Variants in AGBL4 observed in about 807,000 individuals in gnomAD.
AGBL4 encodes the protein cytosolic carboxypeptidase 6.
In AGBL4, 58 loss-of-function variants were observed where a neutral mutation model predicts 66.4. The ratio of observed to expected loss-of-function variants is 0.87; its 90% confidence interval spans 0.71 to 1.09. The LOEUF (loss-of-function observed/expected upper bound fraction) is 1.09. AGBL4 is among the 50% of genes least tolerant of loss of function. AGBL4 has a pLI of 0.00. For synonymous variants in AGBL4, 234 were observed against 222.9 expected, an observed-to-expected ratio of 1.05 and a Z score of -0.44; for missense variants, 579 against 631.0, an observed-to-expected ratio of 0.92 and a Z score of 0.88.
At chr1:48,849,113 A>T (rs1296132072) in intron 6 of AGBL4, among the ~76,000 whole-genome samples, 2 of 152,230 alleles carry the variant, frequency 1.3e-5, no homozygotes, top group Non-Finnish European at 1.5e-5. Context: ...AGAAGGCAGG[A>T]GCAGTACTTC....
intron 11 of AGBL4, among the ~76,000 whole-genome samples, chr1:48,561,164 T>A (rs1426881101): frequency 6.6e-6 from 1 of 151,944 alleles, no homozygotes; most frequent in African/African-American, 2.4e-5. Context: ...AGAAAGAGCA[T>A]CACATTTGTA....
chr1:48,699,068 G>A (rs969233281), intron 6 of AGBL4, among the ~76,000 whole-genome samples: 13 of 152,192 alleles, frequency 8.5e-5, no homozygotes, highest in African/African-American at 3.1e-4. Context: ...TCTCATGCCT[G>A]CCTCTAGGAG....
At chr1:49,633,540 T>G (rs1571215867) in intron 3 of AGBL4, among the ~76,000 whole-genome samples, 1 of 152,116 alleles carries the variant, frequency 6.6e-6, no homozygotes, top group Admixed American at 6.6e-5. Flanking sequence ...CTGTAAGTAA[T>G]CCCAAGTATT....
chr1:48,823,142 C>T (rs573637355), intron 6 of AGBL4, among the ~76,000 whole-genome samples: 1 of 152,334 alleles, frequency 6.6e-6, no homozygotes, highest in African/African-American at 2.4e-5. Context: ...CTATTCACTA[C>T]ATGTTTATTT....
At chr1:49,384,779 A>G (rs1289100229) in intron 3 of AGBL4, among the ~76,000 whole-genome samples, 1 of 152,178 alleles carries the variant, frequency 6.6e-6, no homozygotes, top group Non-Finnish European at 1.5e-5. Flanking sequence ...GAGAAATTGG[A>G]AACTTTGTGC....
intron 3 of AGBL4, among the ~76,000 whole-genome samples, chr1:49,654,908 T>C (rs1333817318): frequency 1.3e-5 from 2 of 152,210 alleles, no homozygotes; most frequent in African/African-American, 4.8e-5. Flanking sequence ...AACTGGAGCA[T>C]TTAGCCCAGT....
chr1:49,110,118 C>T (rs961546176), intron 4 of AGBL4, among the ~76,000 whole-genome samples: 1 of 152,198 alleles, frequency 6.6e-6, no homozygotes, highest in African/African-American at 2.4e-5. Context: ...GATCTTATTA[C>T]TTGATAGCCA....
At chr1:48,583,591 G>T (rs1644771276) in intron 11 of AGBL4, among the ~76,000 whole-genome samples, 2 of 152,140 alleles carry the variant, frequency 1.3e-5, no homozygotes, top group Admixed American at 1.3e-4. Flanking sequence ...CAAGTGTGAA[G>T]GTCCTTGGTC....
chr1:48,610,887 G>C (rs964388451), intron 9 of AGBL4, among the ~76,000 whole-genome samples: 2 of 152,266 alleles, frequency 1.3e-5, no homozygotes, highest in Admixed American at 6.5e-5. Flanking sequence ...CTGGAAGAAG[G>C]GGGGCATCAA....
intron 5 of AGBL4, among the ~76,000 whole-genome samples, chr1:48,917,048 G>A (rs2148887692): frequency 6.6e-6 from 1 of 152,150 alleles, no homozygotes; most frequent in South Asian, 2.1e-4. Context: ...AATGTTAGGA[G>A]ATGAAGAGAG....
rs553498229 is a variant in AGBL4, at chr1:49,514,952, A to G, written c.282+182361T>C. The stretch of plus-strand genomic sequence containing the variant: ...AAAAACCCTAGAAGAAAACCTAGGC[A>G]ATACCATTCAGGACACAGGCATGGG... On this transcript the variant is annotated intron_variant, in intron 3 of 13. Coordinates refer to ENST00000371839, the MANE Select transcript of AGBL4 (RefSeq NM_032785.4). Among the ~76,000 whole-genome samples the G allele has an allele frequency of 2.4e-4, 37 of 152,264 alleles. 1 individual carries two copies. Among genetic ancestry groups the G allele is most frequent in the African/African-American group, 8.7e-4 (36 of 41,574 alleles).
chr1:49,271,033 C>T (rs895998708), intron 3 of AGBL4, among the ~76,000 whole-genome samples: 8 of 152,286 alleles, frequency 5.3e-5, no homozygotes, highest in African/African-American at 1.9e-4. Flanking sequence ...GGCTACTCCA[C>T]CTTGTAGTCT....
intron 4 of AGBL4, among the ~76,000 whole-genome samples, chr1:49,120,891 G>A (rs916181446): frequency 2.0e-5 from 3 of 152,050 alleles, no homozygotes; most frequent in Admixed American, 1.3e-4. Flanking sequence ...TTTCTTGGAG[G>A]CTTTGTTAAT....
At chr1:49,806,919 A>C (rs1160395710) in intron 2 of AGBL4, among the ~76,000 whole-genome samples, 1 of 152,054 alleles carries the variant, frequency 6.6e-6, no homozygotes, top group African/African-American at 2.4e-5. Context: ...AGTAGTTGCC[A>C]CCCCTCTAGA....
At chr1:49,263,048 C>A (rs563690609) in intron 3 of AGBL4, among the ~76,000 whole-genome samples, 2 of 151,724 alleles carry the variant, frequency 1.3e-5, no homozygotes, top group African/African-American at 4.9e-5. Flanking sequence ...AGTAAACTAT[C>A]GCAAGGACAA....
rs1047360509 is a variant in AGBL4 at position 49,673,191 on chromosome 1, C to A, written c.282+24122G>T. On this transcript the variant is annotated intron_variant, in intron 3 of 13. Transcript: ENST00000371839. ...CATTACTTAAGTATTACTGTAATTTCTATTTCTCTTTCACATTTAAAAGGA... is the reference window on the plus strand; with the variant it reads ...CATTACTTAAGTATTACTGTAATTTATATTTCTCTTTCACATTTAAAAGGA... Among the ~76,000 whole-genome samples, 4 of 152,084 alleles carry A rather than the reference C, an allele frequency of 2.6e-5. No individual in the cohort carries two copies. The South Asian group carries it at 6.2e-4, about 24-fold the overall frequency.
intron 11 of AGBL4, among the ~76,000 whole-genome samples, chr1:48,554,475 A>G (rs1176274455): frequency 6.6e-6 from 1 of 152,180 alleles, no homozygotes; most frequent in African/African-American, 2.4e-5. Context: ...ATTTCCTTGC[A>G]TTTATTCCTC....
At chr1:48,882,575 T>C (rs1649895855) in intron 5 of AGBL4, among the ~76,000 whole-genome samples, 1 of 152,188 alleles carries the variant, frequency 6.6e-6, no homozygotes, top group Non-Finnish European at 1.5e-5. Flanking sequence ...AGTAAGTATG[T>C]GAGAGACAGA....
intron 6 of AGBL4, among the ~76,000 whole-genome samples, chr1:48,702,789 G>A (rs1646822820): frequency 1.3e-5 from 2 of 152,188 alleles, no homozygotes; most frequent in Non-Finnish European, 2.9e-5. Context: ...TTCTGGGCAA[G>A]GAGGAAGTAC....
Sources: gnomAD v4.1 joint callset for allele counts (sites outside exome capture counted in the v4.1 genomes callset) on GRCh38, gnomAD v4.1.1 for gene constraint, MANE v1.5 for transcripts, NCBI Gene and HGNC (gene_info 2026-07-23, HGNC 2026-07-21) for gene names.